ELP4: variants seen among roughly 807,000 people sequenced by gnomAD.
ELP4 encodes elongator complex protein 4.
A neutral mutation model predicts 48.9 loss-of-function variants in ELP4; 51 were observed. The observed-to-expected ratio is 1.04, with a 90% CI of 0.83 to 1.32. The LOEUF (loss-of-function observed/expected upper bound fraction) is 1.32. Ranked by LOEUF, ELP4 falls within the 40% of genes most tolerant of loss-of-function variation. The pLI is 0.00. For missense variants in ELP4, 519 were observed against 514.6 expected (o/e 1.01, Z -0.08); for synonymous variants, 210 against 189.2 (o/e 1.11, Z -0.90).
intron 8 of ELP4, chr11:31,648,240 A>G (rs1438292515): frequency 6.5e-6 from 1 of 153,488 alleles, no homozygotes; most frequent in East Asian, 1.9e-4. Context: ...TAAGATACAT[A>G]CTGGATTATA....
intron 7 of ELP4, among the ~76,000 whole-genome samples, chr11:31,634,557 G>A (rs773934488): frequency 2.0e-5 from 3 of 151,972 alleles, no homozygotes; most frequent in African/African-American, 7.2e-5. Flanking sequence ...GCGGATTTCT[G>A]TGACAGTGAA....
chr11:31,578,919 A>G (rs1294320351), intron 3 of ELP4, among the ~76,000 whole-genome samples: 1 of 152,250 alleles, frequency 6.6e-6, no homozygotes, highest in Non-Finnish European at 1.5e-5. Flanking sequence ...CAATGACAAC[A>G]AAAGCCAAAA....
chr11:31,663,717 GTAAA>G (rs1434842927), intron 9 of ELP4: 21 of 151,934 alleles, frequency 1.4e-4, no homozygotes, highest in Middle Eastern at 3.4e-3. Context: ...TCTTAGACAA[GTAAA>G]CAAGATCTTA....
In ELP4 at chr11:31,603,840, G is replaced by A. The variant is rs766584355; in HGVS notation, c.586G>A (p.Glu196Lys). The change falls in exon 5 of 10, where the codon GAG (glutamate) becomes AAG (lysine). Residue 196 changes from glutamate to lysine, a missense_variant. Transcript: ENST00000640961. The part of the protein sequence containing the change: ...ASKRMPQELI[E>K]ASNWHGFFLP... ...AAAAAGAATGCCACAAGAACTAATT[G>A]AGGCTTCAAATTGGCATGGATTTTT... 15 of 1,611,252 alleles carry A rather than the reference G, an allele frequency of 9.3e-6. No homozygotes were observed. The African/African-American group carries it at 1.7e-4, about 19-fold the overall frequency.
At chr11:31,770,926 AGTTT>A (rs1468665544) in intron 9 of ELP4, among the ~76,000 whole-genome samples, 1 of 152,070 alleles carries the variant, frequency 6.6e-6, no homozygotes, top group Non-Finnish European at 1.5e-5. Context: ...GGAATAATCT[AGTTT>A]GTTCTTTGTC....
intron 9 of ELP4, among the ~76,000 whole-genome samples, chr11:31,730,610 CTCAG>C (rs1947166060): frequency 6.6e-6 from 1 of 152,172 alleles, no homozygotes; most frequent in Admixed American, 6.5e-5. Context: ...TGTCATCTCT[CTCAG>C]AGCACTGACA....
Position 31,700,875 on chromosome 11 carries a change from T to G in ELP4, c.1143+50654T>G, listed in dbSNP as rs188019104. Among the ~76,000 whole-genome samples, 433 of 152,200 alleles carry G rather than the reference T, an allele frequency of 2.8e-3. 10 individuals are homozygous for G. The highest frequency in any genetic ancestry group is 0.027 in the Admixed American group (408 of 15,254). On this transcript the variant is annotated intron_variant, in intron 9 of 9. Transcript: ENST00000640961. Reference sequence around the variant, plus strand: ...GTAGAAAGAAATACTAGAAAACCTTTTTCTTTCTCCTTGCCTATGTCATAT... The same window carrying G: ...GTAGAAAGAAATACTAGAAAACCTTGTTCTTTCTCCTTGCCTATGTCATAT...
chr11:31,556,503 A>T (rs1956932089), intron 3 of ELP4, among the ~76,000 whole-genome samples: 1 of 151,924 alleles, frequency 6.6e-6, no homozygotes, highest in African/African-American at 2.4e-5. Flanking sequence ...AGACATTAAG[A>T]TTTTTATATC....
intron 9 of ELP4, among the ~76,000 whole-genome samples, chr11:31,672,531 T>G (rs1945830553): frequency 6.6e-6 from 1 of 152,252 alleles, no homozygotes; most frequent in African/African-American, 2.4e-5. Context: ...GGTTCCCACC[T>G]GTAATCCTGG....
chr11:31,757,411 A>G (rs1305968524), intron 9 of ELP4, among the ~76,000 whole-genome samples: 2 of 152,016 alleles, frequency 1.3e-5, no homozygotes, highest in African/African-American at 2.4e-5. Flanking sequence ...GCCAAGCATG[A>G]TATTTTTAGC....
intron 5 of ELP4, among the ~76,000 whole-genome samples, chr11:31,606,922 C>A (rs972757779): frequency 6.6e-6 from 1 of 152,126 alleles, no homozygotes; most frequent in African/African-American, 2.4e-5. Context: ...TATGTTGAAG[C>A]CCTAACCCCT....
chr11:31,638,516 GC>G (rs1945026572), intron 7 of ELP4, among the ~76,000 whole-genome samples: 1 of 151,808 alleles, frequency 6.6e-6, no homozygotes, highest in Non-Finnish European at 1.5e-5. Context: ...CAGCATGTTA[GC>G]TTATACCAAG....
At chr11:31,646,250 T>C (rs1592187752) in intron 7 of ELP4, 1 of 151,804 alleles carries the variant, frequency 6.6e-6, no homozygotes, top group Non-Finnish European at 1.5e-5. Context: ...ATTGAACATA[T>C]TAAAGACAAT....
At chr11:31,531,461 A>G (rs1350881075) in intron 2 of ELP4, among the ~76,000 whole-genome samples, 1 of 152,222 alleles carries the variant, frequency 6.6e-6, no homozygotes, top group Non-Finnish European at 1.5e-5. Flanking sequence ...GAGCACACTG[A>G]TATCTTACCC....
At chr11:31,667,650 A>G (rs1281586423) in intron 9 of ELP4, among the ~76,000 whole-genome samples, 3 of 152,176 alleles carry the variant, frequency 2.0e-5, no homozygotes, top group African/African-American at 4.8e-5. Flanking sequence ...TGAAGTTTAT[A>G]TAATTCCACA....
chr11:31,582,520 T>TA (rs2133974062), intron 3 of ELP4, among the ~76,000 whole-genome samples: 1 of 152,312 alleles, frequency 6.6e-6, no homozygotes, highest in African/African-American at 2.4e-5. Flanking sequence ...TTACAATAAA[T>TA]ATTACTGTTT....
intron 5 of ELP4, among the ~76,000 whole-genome samples, chr11:31,607,525 C>T (rs1957898926): frequency 6.6e-6 from 1 of 152,102 alleles, no homozygotes; most frequent in Non-Finnish European, 1.5e-5. Flanking sequence ...TATATAAGGG[C>T]CTTAATCCCG....
intron 9 of ELP4, among the ~76,000 whole-genome samples, chr11:31,730,821 T>C (rs766787272): frequency 3.9e-5 from 6 of 152,220 alleles, no homozygotes; most frequent in Non-Finnish European, 7.3e-5. Flanking sequence ...GAATTCCTTC[T>C]AGCCTGACAT....
At chr11:31,642,874 A>C (rs370843924) in intron 7 of ELP4, among the ~76,000 whole-genome samples, 1 of 151,854 alleles carries the variant, frequency 6.6e-6, no homozygotes, top group East Asian at 1.9e-4. Flanking sequence ...AGTATAAATA[A>C]CTTTTTATTA....
Sources: allele counts gnomAD v4.1 joint callset (sites outside exome capture counted in the v4.1 genomes callset), GRCh38; gene constraint gnomAD v4.1.1; transcripts MANE v1.5; gene names NCBI Gene and HGNC (gene_info 2026-07-23, HGNC 2026-07-21).